TSPAN18: variants seen among roughly 807,000 people sequenced by gnomAD.
TSPAN18 encodes tetraspanin-18.
TSPAN18 carries 14 observed loss-of-function variants against 27.3 expected under a neutral mutation model. That is an observed-to-expected ratio of 0.51 (90% CI 0.34 to 0.80). The LOEUF is 0.80. TSPAN18 is among the 30% of genes least tolerant of loss of function. TSPAN18 has a pLI of 0.01. For missense variants in TSPAN18, 268 were observed against 323.9 expected (o/e 0.83, Z 1.32); for synonymous variants, 143 against 136.5 (o/e 1.05, Z -0.33).
chr11:44,815,456 G>A (rs1856801198), intron 2 of TSPAN18, among the ~76,000 whole-genome samples: 1 of 152,186 alleles, frequency 6.6e-6, no homozygotes, highest in Non-Finnish European at 1.5e-5. Context: ...CAGGGTTAGG[G>A]TGTGTGGTCT....
At chr11:44,870,404 C>G (rs1242651258) in intron 3 of TSPAN18, among the ~76,000 whole-genome samples, 1 of 152,200 alleles carries the variant, frequency 6.6e-6, no homozygotes, top group Non-Finnish European at 1.5e-5. Context: ...CCACAGCCAG[C>G]TAAGGCCAAG....
At chr11:44,750,198 T>C (rs1855179276) in intron 1 of TSPAN18, among the ~76,000 whole-genome samples, 1 of 152,244 alleles carries the variant, frequency 6.6e-6, no homozygotes, top group African/African-American at 2.4e-5. Flanking sequence ...TTTCCTTTTT[T>C]ATAAGAGGGC....
chr11:44,804,687 T>G (rs1447839438), intron 2 of TSPAN18, among the ~76,000 whole-genome samples: 2 of 152,126 alleles, frequency 1.3e-5, no homozygotes, highest in African/African-American at 4.8e-5. Context: ...GTAGCTGCTG[T>G]GCTTGCAGGG....
intron 1 of TSPAN18, among the ~76,000 whole-genome samples, chr11:44,735,607 C>T (rs1029980370): frequency 6.6e-6 from 1 of 151,902 alleles, no homozygotes; most frequent in Non-Finnish European, 1.5e-5. Context: ...TAGGGTCCAC[C>T]CTAATGACCT....
chr11:44,821,493 T>A (rs147249042), intron 2 of TSPAN18, among the ~76,000 whole-genome samples: 1 of 152,334 alleles, frequency 6.6e-6, no homozygotes, highest in East Asian at 1.9e-4. Context: ...ATTAGTTAAG[T>A]GCATATTAAG....
intron 3 of TSPAN18, among the ~76,000 whole-genome samples, chr11:44,899,400 T>C (rs936544476): frequency 6.6e-6 from 1 of 152,200 alleles, no homozygotes; most frequent in African/African-American, 2.4e-5. Flanking sequence ...GAGATGTTAT[T>C]TGAAATATTG....
chr11:44,799,019 C>T (rs557247424), intron 2 of TSPAN18, among the ~76,000 whole-genome samples: 39 of 143,234 alleles, frequency 2.7e-4, no homozygotes, highest in African/African-American at 9.6e-4. Context: ...TCATGCTCTG[C>T]ACCCCACCCC....
chr11:44,920,045 T>C (rs1387079494), intron 8 of TSPAN18, 46 bp downstream of exon 8: 1 of 1,577,198 alleles, frequency 6.3e-7, no homozygotes, highest in Non-Finnish European at 8.6e-7. Flanking sequence ...TATCGGGATT[T>C]GGGTGGCCAG....
At chr11:44,905,245 C>T (rs777880882) in intron 3 of TSPAN18, among the ~76,000 whole-genome samples, 2 of 152,074 alleles carry the variant, frequency 1.3e-5, no homozygotes, top group Admixed American at 6.6e-5. Flanking sequence ...TGGGAGGAAG[C>T]GGGAGCTGCA....
intron 1 of TSPAN18, chr11:44,736,344 T>G (rs1244937788): frequency 6.6e-6 from 1 of 152,244 alleles, no homozygotes; most frequent in Non-Finnish European, 1.5e-5. Context: ...TACAATGTTT[T>G]CTAGAAATAA....
intron 2 of TSPAN18, among the ~76,000 whole-genome samples, chr11:44,827,270 A>G (rs10838364): frequency 0.23 from 34,619 of 152,178 alleles, 4,013 homozygotes; most frequent in South Asian, 0.39. Flanking sequence ...TTACTTACCT[A>G]CCACACAACA....
At chr11:44,827,119 G>A (rs1008847675) in intron 2 of TSPAN18, among the ~76,000 whole-genome samples, 2 of 152,206 alleles carry the variant, frequency 1.3e-5, no homozygotes, top group African/African-American at 2.4e-5. Context: ...CTGCCACTGC[G>A]CTCCTTCCCG....
chr11:44,788,686 ATCTCCCCG>A (rs1452725273), intron 2 of TSPAN18, among the ~76,000 whole-genome samples: 1 of 151,766 alleles, frequency 6.6e-6, no homozygotes, highest in East Asian at 1.9e-4. Flanking sequence ...TGACCTTGTG[ATCTCCCCG>A]CCTCGGCCTC....
At chr11:44,729,135 C>G (rs947876007) in intron 1 of TSPAN18, among the ~76,000 whole-genome samples, 1 of 152,140 alleles carries the variant, frequency 6.6e-6, no homozygotes, top group Non-Finnish European at 1.5e-5. Context: ...GCCATAAAGA[C>G]AGATCAGCAT....
At position 44,919,261 on chromosome 11, in the gene TSPAN18, C is replaced by A. The variant is rs1477171781; in HGVS notation, c.381C>A (p.Gly127=). 3 of 1,614,016 alleles carry A rather than the reference C, an allele frequency of 1.9e-6. No homozygotes were observed. The highest frequency in any genetic ancestry group is 2.2e-5 in the East Asian group (1 of 44,890). Residue 127 remains glycine, a synonymous_variant, in exon 7 of 10, where the codon GGC becomes GGA. Coordinates refer to ENST00000520358, the MANE Select transcript of TSPAN18 (RefSeq NM_130783.5). ...FTKELTKHYQ[G]NNDTDVFSAT... is the part of the protein sequence containing the mutation. ...AGGAGCTCACCAAGCACTACCAGGGCAATAACGACACAGACGTCTTCTCTG... is the reference window on the plus strand; with the variant it reads ...AGGAGCTCACCAAGCACTACCAGGGAAATAACGACACAGACGTCTTCTCTG...
intron 8 of TSPAN18, among the ~76,000 whole-genome samples, chr11:44,922,441 T>G (rs1201949742): frequency 6.6e-6 from 1 of 152,102 alleles, no homozygotes; most frequent in Non-Finnish European, 1.5e-5. Flanking sequence ...CTGACTTTGC[T>G]GGCAGGCCCA....
At position 44,931,432 on chromosome 11, in the gene TSPAN18, A is replaced by AAGTCAGAGGGAGGACCCAAG. The variant is rs1252533561; in HGVS notation, c.*2257_*2276dup. ...CATCCCAGGCTTCTGGGGCCCACAGAAGTCAGAGGGAGGACCCAAGAGAAA... is the reference window on the plus strand; with the variant it reads ...CATCCCAGGCTTCTGGGGCCCACAGAAGTCAGAGGGAGGACCCAAGAGTCAGAGGGAGGACCCAAGAGAAA... On this transcript the variant is annotated 3_prime_UTR_variant, in exon 10 of 10. Coordinates refer to ENST00000520358, the MANE Select transcript of TSPAN18 (RefSeq NM_130783.5). The AAGTCAGAGGGAGGACCCAAG allele has an allele frequency of 6.4e-6, 1 of 155,608 alleles. No homozygotes were observed. Among genetic ancestry groups the AAGTCAGAGGGAGGACCCAAG allele is most frequent in the Non-Finnish European group, 1.4e-5 (1 of 70,306 alleles). The allele number at this position is 155,608 out of a possible 1,614,324, so 9.6% of individuals were successfully genotyped here. A position where few individuals can be genotyped will look rare whatever the true frequency, so the allele number is the denominator to read the frequency against.
At chr11:44,818,649 C>T (rs1590524682) in intron 2 of TSPAN18, among the ~76,000 whole-genome samples, 2 of 152,248 alleles carry the variant, frequency 1.3e-5, no homozygotes, top group East Asian at 1.9e-4. Flanking sequence ...CCCCCAGGGC[C>T]GGGAAACACA....
chr11:44,738,284 G>T (rs1391814331), intron 1 of TSPAN18, among the ~76,000 whole-genome samples: 3 of 152,126 alleles, frequency 2.0e-5, no homozygotes, highest in African/African-American at 7.2e-5. Context: ...CTTGCAGGGT[G>T]CCAGGCCCTC....
Sources: gnomAD v4.1 joint callset for allele counts (sites outside exome capture counted in the v4.1 genomes callset) on GRCh38, gnomAD v4.1.1 for gene constraint, MANE v1.5 for transcripts, NCBI Gene and HGNC (gene_info 2026-07-23, HGNC 2026-07-21) for gene names.